The following FGF14 variants were observed in gnomAD, a reference collection of about 807,000 sequenced individuals.
FGF14 encodes fibroblast growth factor homologous factor 4.
FGF14 carries 5 observed loss-of-function variants against 25.5 expected under a neutral mutation model. The ratio of observed to expected loss-of-function variants is 0.20; its 90% CI spans 0.10 to 0.41. The LOEUF (loss-of-function observed/expected upper bound fraction) is 0.41. Among genes scored for constraint, FGF14 ranks in the 10% least tolerant of loss-of-function variants. The pLI is 1.00. For missense variants in FGF14, 222 were observed against 320.1 expected, an observed-to-expected ratio of 0.69 and a Z score of 2.34; for synonymous variants, 138 against 118.3, an observed-to-expected ratio of 1.17 and a Z score of -1.08.
At chr13:102,033,717 C>G (rs1305070628) in intron 1 of FGF14, among the ~76,000 whole-genome samples, 6 of 152,122 alleles carry the variant, frequency 3.9e-5, no homozygotes, top group Middle Eastern at 3.2e-3. Flanking sequence ...AATGTCTATT[C>G]AGCAAGAAAG....
intron 1 of FGF14, among the ~76,000 whole-genome samples, chr13:102,203,029 GAGACAGGCATGGA>G (rs1288696092): frequency 6.6e-6 from 1 of 152,178 alleles, no homozygotes; most frequent in Admixed American, 6.5e-5. Context: ...CTCCAAGGCA[GAGACAGGCATGGA>G]AGACAGGAAA....
intron 1 of FGF14, among the ~76,000 whole-genome samples, chr13:101,877,928 CTCTTTT>C (rs1223387079): frequency 1.3e-5 from 2 of 152,152 alleles, no homozygotes; most frequent in Admixed American, 6.6e-5. Context: ...GCATCTCTCG[CTCTTTT>C]TCTTTTTTTC....
intron 1 of FGF14, among the ~76,000 whole-genome samples, chr13:102,315,098 ATGTT>A (rs1201968077): frequency 6.6e-6 from 1 of 152,056 alleles, no homozygotes; most frequent in East Asian, 1.9e-4. Flanking sequence ...ACATGTATAT[ATGTT>A]TGTGGTAATG....
chr13:102,400,040 C>A lies in FGF14; in HGVS notation c.208+1431G>T, dbSNP rs1352423710. Among the ~76,000 whole-genome samples, 1 of 151,070 alleles carries A rather than the reference C, an allele frequency of 6.6e-6. No individual in the cohort carries two copies. Among genetic ancestry groups the A allele is most frequent in the Non-Finnish European group, 1.5e-5 (1 of 67,744 alleles). ...AAACGGTCTCAGCCTCCGCACCCAC[C>A]GCCTCCGTCCCCGCCCACCCGCACC... On this transcript the variant is annotated intron_variant, in intron 1 of 4. Transcript: ENST00000376131. This position sits in a 1 kb window ranked among gnomAD's most constrained non-coding sequence, Gnocchi z 4.3.
intron 1 of FGF14, among the ~76,000 whole-genome samples, chr13:102,026,933 T>TA (rs963866074): frequency 6.6e-6 from 1 of 152,016 alleles, no homozygotes; most frequent in African/African-American, 2.4e-5. Flanking sequence ...TAGCTTGACT[T>TA]AGATTCTGTT....
intron 1 of FGF14, among the ~76,000 whole-genome samples, chr13:102,291,598 A>T (rs1292284738): frequency 6.6e-6 from 1 of 152,164 alleles, no homozygotes; most frequent in African/African-American, 2.4e-5. Flanking sequence ...AAAAATCAGC[A>T]TCCATCAAGC....
chr13:101,788,793 T>C (rs1262198064), intron 3 of FGF14, among the ~76,000 whole-genome samples: 3 of 149,654 alleles, frequency 2.0e-5, no homozygotes, highest in South Asian at 4.2e-4. Flanking sequence ...TTTTGGATAT[T>C]TCTTTGCCCT....
chr13:102,256,569 T>C (rs1448152533), intron 1 of FGF14, among the ~76,000 whole-genome samples: 1 of 152,208 alleles, frequency 6.6e-6, no homozygotes, highest in East Asian at 1.9e-4. Flanking sequence ...TCAAATTTTG[T>C]TGGAACATTT....
intron 1 of FGF14, among the ~76,000 whole-genome samples, chr13:102,116,439 T>G (rs2045475110): frequency 6.6e-6 from 1 of 152,088 alleles, no homozygotes; most frequent in Non-Finnish European, 1.5e-5. Context: ...TAAATTATAT[T>G]TTATAATCAT....
In FGF14 at chr13:102,392,969, A is replaced by G. The variant is rs536459466; in HGVS notation, c.208+8502T>C. Among the ~76,000 whole-genome samples the G allele has an allele frequency of 4.6e-5, 7 of 152,120 alleles. No homozygotes were observed. In the East Asian group the frequency reaches 1.2e-3, roughly 25 times the overall value. On this transcript the variant is annotated intron_variant, in intron 1 of 4. Coordinates refer to the FGF14 transcript ENST00000376131. ...CTGTGCCTCACTACCTTGCAACCCC[A>G]CTCACTACCTGCCACTCCCTAGAAA...
intron 1 of FGF14, among the ~76,000 whole-genome samples, chr13:102,233,401 G>C (rs2051174458): frequency 1.3e-5 from 2 of 152,032 alleles, no homozygotes; most frequent in Admixed American, 6.6e-5. Context: ...AAAGTGCTGG[G>C]ATTCCAGGCC....
At chr13:102,294,184 C>A (rs901989964) in intron 1 of FGF14, 1 of 152,160 alleles carries the variant, frequency 6.6e-6, no homozygotes, top group African/African-American at 2.4e-5. Flanking sequence ...TATGAATGAT[C>A]TGCTACAACT....
chr13:101,884,667 C>T (rs2045897105), intron 1 of FGF14, among the ~76,000 whole-genome samples: 1 of 152,018 alleles, frequency 6.6e-6, no homozygotes, highest in Non-Finnish European at 1.5e-5. Context: ...GTAATGCATT[C>T]CCTGTCGCTG....
chr13:102,041,679 T>C (rs946861903), intron 1 of FGF14, among the ~76,000 whole-genome samples: 2 of 152,144 alleles, frequency 1.3e-5, no homozygotes, highest in Non-Finnish European at 2.9e-5. Context: ...CAATGACTTC[T>C]TCTGTGTGCA....
At chr13:102,086,170 T>C (rs1383653764) in intron 1 of FGF14, among the ~76,000 whole-genome samples, 1 of 152,222 alleles carries the variant, frequency 6.6e-6, no homozygotes, top group Non-Finnish European at 1.5e-5. Flanking sequence ...CTTCCTGGTC[T>C]ATAGTTACTC....
At position 101,761,078 on chromosome 13, in the gene FGF14, T is replaced by C. The variant is rs569364379; in HGVS notation, c.409-34268A>G. 2.0e-5 allele frequency among the ~76,000 whole-genome samples: 3 copies of C among 152,322 alleles called. No individual in the cohort carries two copies. In the South Asian group the frequency reaches 6.2e-4, roughly 32 times the overall value. ...AAATATTAATTAGGCACACTTCTTC[T>C]CCAATTCCATTTACTAACAAAGGTT... On this transcript the variant is annotated intron_variant, in intron 3 of 4. Coordinates refer to ENST00000376143, the MANE Select transcript of FGF14 (RefSeq NM_004115.4).
intron 1 of FGF14, among the ~76,000 whole-genome samples, chr13:102,090,471 C>G (rs1595237784): frequency 6.6e-6 from 1 of 152,076 alleles, no homozygotes; most frequent in Non-Finnish European, 1.5e-5. Flanking sequence ...GATATTACTA[C>G]CTGGAAATGT....
intron 1 of FGF14, among the ~76,000 whole-genome samples, chr13:102,135,902 C>T (rs1265003020): frequency 1.3e-5 from 2 of 152,082 alleles, no homozygotes; most frequent in East Asian, 3.9e-4. Flanking sequence ...GTGATCTACT[C>T]ACCTTGGCCT....
At chr13:101,786,934 A>G (rs188019026) in intron 3 of FGF14, among the ~76,000 whole-genome samples, 1 of 152,272 alleles carries the variant, frequency 6.6e-6, no homozygotes, top group East Asian at 1.9e-4. Context: ...TTCTCAACAC[A>G]CAAGCCAGGG....
Sources: gnomAD v4.1 joint callset for allele counts (sites outside exome capture counted in the v4.1 genomes callset) on GRCh38, gnomAD v4.1.1 for gene constraint, Gnocchi (gnomAD v3.1) non-coding constraint, MANE v1.5 for transcripts, NCBI Gene and HGNC (gene_info 2026-07-23, HGNC 2026-07-21) for gene names.